The following POU6F2 variants were observed in gnomAD, a reference collection of about 807,000 sequenced individuals.
POU6F2 encodes POU class 6 homeobox 2, also known as POU domain, class 6, transcription factor 2.
A neutral mutation model predicts 71.3 loss-of-function variants in POU6F2; 31 were observed. That is an observed-to-expected ratio of 0.43 (90% CI 0.33 to 0.59). POU6F2 has a LOEUF of 0.59. Ranked by LOEUF, POU6F2 falls within the 20% of genes least tolerant of loss-of-function variation. The pLI is 0.04. For missense variants in POU6F2, 783 were observed against 856.8 expected (o/e 0.91, Z 1.07); for synonymous variants, 347 against 355.7 (o/e 0.98, Z 0.27).
At chr7:39,178,014 G>T (rs1793364262) in intron 2 of POU6F2, among the ~76,000 whole-genome samples, 1 of 152,094 alleles carries the variant, frequency 6.6e-6, no homozygotes, top group Admixed American at 6.5e-5. Context: ...ATAGCACTTT[G>T]GGAGGCCGAG....
chr7:39,134,880 T>A (rs1454423015), intron 2 of POU6F2, among the ~76,000 whole-genome samples: 1 of 152,208 alleles, frequency 6.6e-6, no homozygotes, highest in East Asian at 1.9e-4. Flanking sequence ...TTATGAGATG[T>A]GGGCAAGATA....
rs1049168201 is a variant in POU6F2, at chr7:39,460,776, G to A, written c.1658+61G>A. ...CGCCCTGGGCCTCATTTGTCCTCGC[G>A]GTTCAGCTTTTCTTCGTCGGGTGGG... On this transcript the variant is annotated intron_variant, in intron 9 of 9. Coordinates refer to ENST00000518318, the MANE Select transcript of POU6F2 (RefSeq NM_001370959.1). This position sits in a 1 kb window ranked among gnomAD's most constrained non-coding sequence, Gnocchi z 4.4. The A allele has an allele frequency of 5.5e-6, 8 of 1,453,738 alleles. No individual in the cohort carries two copies. The highest frequency in any genetic ancestry group is 5.0e-5 in the East Asian group (2 of 40,380). 90.1% of individuals were successfully genotyped at this position (1,453,738 alleles called of 1,614,324 possible).
chr7:39,261,176 C>CCA (rs1351798794), intron 4 of POU6F2, among the ~76,000 whole-genome samples: 1 of 152,132 alleles, frequency 6.6e-6, no homozygotes, highest in East Asian at 1.9e-4. Context: ...GGTTCTGTGA[C>CCA]CACTAATTCC....
intron 6 of POU6F2, among the ~76,000 whole-genome samples, chr7:39,418,706 A>G (rs1753389375): frequency 6.6e-6 from 1 of 151,176 alleles, no homozygotes; most frequent in Non-Finnish European, 1.5e-5. Flanking sequence ...AAAAAAAGAA[A>G]AAGAAAGAAA....
chr7:39,368,974 A>G (rs938783785), intron 5 of POU6F2, among the ~76,000 whole-genome samples: 1 of 152,204 alleles, frequency 6.6e-6, no homozygotes, highest in African/African-American at 2.4e-5. Context: ...CAAGAGAACT[A>G]GAATTAGAAG....
At chr7:39,003,804 G>A (rs969177089) in intron 1 of POU6F2, among the ~76,000 whole-genome samples, 1 of 151,456 alleles carries the variant, frequency 6.6e-6, no homozygotes, top group Non-Finnish European at 1.5e-5. Flanking sequence ...ATCATGTGAC[G>A]TTACAATTGT....
chr7:39,152,894 T>G (rs572744075), intron 2 of POU6F2, among the ~76,000 whole-genome samples: 4 of 152,332 alleles, frequency 2.6e-5, no homozygotes, highest in South Asian at 2.1e-4. Context: ...ATCAACCTAG[T>G]GCTGCCTTTA....
intron 4 of POU6F2, among the ~76,000 whole-genome samples, chr7:39,278,266 G>T (rs895002201): frequency 6.6e-6 from 1 of 152,118 alleles, no homozygotes; most frequent in Non-Finnish European, 1.5e-5. Context: ...GCATCACTGT[G>T]ATCAGAAACT....
At chr7:39,369,447 G>C (rs1052426872) in intron 5 of POU6F2, among the ~76,000 whole-genome samples, 1 of 148,864 alleles carries the variant, frequency 6.7e-6, no homozygotes, top group Non-Finnish European at 1.5e-5. Flanking sequence ...CTGTAACCTC[G>C]CCTCCTGGGT....
At chr7:39,136,878 T>A (rs1228189840) in intron 2 of POU6F2, among the ~76,000 whole-genome samples, 2 of 150,700 alleles carry the variant, frequency 1.3e-5, no homozygotes, top group African/African-American at 2.4e-5. Flanking sequence ...TCCTAGCTAC[T>A]CAGGAGGCTG....
intron 6 of POU6F2, among the ~76,000 whole-genome samples, chr7:39,423,762 A>C (rs1329001721): frequency 2.0e-5 from 3 of 152,200 alleles, no homozygotes; most frequent in African/African-American, 7.2e-5. Context: ...CCATTTCCAA[A>C]AAGATGCCTG....
chr7:39,009,771 T>C (rs965499222), intron 1 of POU6F2, among the ~76,000 whole-genome samples: 2 of 151,610 alleles, frequency 1.3e-5, no homozygotes, highest in South Asian at 2.1e-4. Context: ...TCTGCATCTA[T>C]TGAGATAATC....
At chr7:39,266,145 T>C (rs957186894) in intron 4 of POU6F2, among the ~76,000 whole-genome samples, 1 of 152,224 alleles carries the variant, frequency 6.6e-6, no homozygotes, top group Non-Finnish European at 1.5e-5. Context: ...GGAATCCAGC[T>C]GGGTTTCTGT....
intron 2 of POU6F2, among the ~76,000 whole-genome samples, chr7:39,175,143 GC>G (rs997989247): frequency 2.6e-5 from 4 of 152,028 alleles, no homozygotes; most frequent in African/African-American, 9.7e-5. Context: ...TTGAATGGGT[GC>G]CCTTTTCTGT....
intron 4 of POU6F2, among the ~76,000 whole-genome samples, chr7:39,236,571 T>C (rs970574281): frequency 6.6e-6 from 1 of 152,234 alleles, no homozygotes. Flanking sequence ...AAGTTTCCAG[T>C]GCATACATTT....
chr7:39,463,927 GA>G (rs1789006398), intron 9 of POU6F2, among the ~76,000 whole-genome samples: 1 of 152,192 alleles, frequency 6.6e-6, no homozygotes, highest in South Asian at 2.1e-4. Flanking sequence ...GCATGCCTAT[GA>G]TATGTTATGA....
intron 5 of POU6F2, among the ~76,000 whole-genome samples, chr7:39,400,510 C>T (rs1301710290): frequency 6.6e-6 from 1 of 152,180 alleles, no homozygotes; most frequent in Admixed American, 6.5e-5. Flanking sequence ...GCATTGCCAA[C>T]CCTCATCTTC....
chr7:39,027,863 G>C (rs1245696289), intron 1 of POU6F2, among the ~76,000 whole-genome samples: 2 of 152,042 alleles, frequency 1.3e-5, no homozygotes, highest in Non-Finnish European at 2.9e-5. Context: ...TGCATTCCAT[G>C]ACATTCTTTT....
At chr7:39,191,741 T>A (rs1195236225) in intron 2 of POU6F2, among the ~76,000 whole-genome samples, 4 of 152,202 alleles carry the variant, frequency 2.6e-5, no homozygotes, top group African/African-American at 9.6e-5. Context: ...TAAAAGAATA[T>A]GACCTAAGTC....
Sources: allele counts gnomAD v4.1 joint callset (sites outside exome capture counted in the v4.1 genomes callset), GRCh38; gene constraint gnomAD v4.1.1; non-coding constraint Gnocchi (gnomAD v3.1); transcripts MANE v1.5; gene names NCBI Gene and HGNC (gene_info 2026-07-23, HGNC 2026-07-21).